FOXK2: variants seen among roughly 807,000 people sequenced by gnomAD.
The protein encoded by FOXK2 is forkhead box K2.
A neutral mutation model predicts 53.3 loss-of-function variants in FOXK2; 24 were observed. The ratio of observed to expected loss-of-function variants is 0.45; its 90% confidence interval spans 0.33 to 0.63. FOXK2 has a LOEUF of 0.63. Among genes scored for constraint, FOXK2 ranks in the 30% least tolerant of loss-of-function variants. The probability of loss-of-function intolerance (pLI) is 0.03; values close to 1 mark genes in which losing one functional copy is unlikely to be tolerated. For missense variants in FOXK2, 952 were observed against 910.5 expected (o/e 1.05, Z -0.59); for synonymous variants, 505 against 407.1 (o/e 1.24, Z -2.89).
chr17:82,560,446 G>A (rs1266175459), intron 1 of FOXK2, among the ~76,000 whole-genome samples: 6 of 152,168 alleles, frequency 3.9e-5, no homozygotes, highest in Non-Finnish European at 8.8e-5. Context: ...GTTATTTAAG[G>A]GAAGCGGTCT....
At chr17:82,557,502 C>T (rs2044743121) in intron 1 of FOXK2, among the ~76,000 whole-genome samples, 1 of 151,896 alleles carries the variant, frequency 6.6e-6, no homozygotes, top group South Asian at 2.1e-4. Context: ...TGCCACCATG[C>T]CTGGCTGATT....
intron 8 of FOXK2, among the ~76,000 whole-genome samples, chr17:82,595,143 A>G (rs1598240170): frequency 6.6e-6 from 1 of 152,340 alleles, no homozygotes; most frequent in Middle Eastern, 3.4e-3. Flanking sequence ...CGTGGGATGC[A>G]GCAGGGTTTG....
intron 8 of FOXK2, among the ~76,000 whole-genome samples, chr17:82,590,053 A>T (rs545644551): frequency 6.6e-6 from 1 of 152,170 alleles, no homozygotes; most frequent in East Asian, 1.9e-4. Flanking sequence ...CTCAAAAAAA[A>T]AAAAAAGTCT....
chr17:82,558,466 C>G (rs2044756318), intron 1 of FOXK2, among the ~76,000 whole-genome samples: 1 of 152,196 alleles, frequency 6.6e-6, no homozygotes, highest in South Asian at 2.1e-4. Flanking sequence ...AGTACGAGCT[C>G]ACAGATAATA....
chr17:82,560,001 CTTTTTTTT>C (rs10583366), intron 1 of FOXK2, among the ~76,000 whole-genome samples: 1 of 97,574 alleles, frequency 1.0e-5, no homozygotes, highest in Non-Finnish European at 2.0e-5. Flanking sequence ...TCTGGATAGA[CTTTTTTTT>C]TTTTTTTTTT....
At position 82,601,552 on chromosome 17, in the gene FOXK2, A is replaced by G; in HGVS notation, c.*53A>G. ...ATCAACTCTGTGGTGCCAAAAGGAG[A>G]CGCGGCCTCCCGCCAGCACTCGGGG... is the stretch of plus-strand genomic sequence containing the variant. On this transcript the variant is annotated 3_prime_UTR_variant, in exon 9 of 9. Coordinates refer to ENST00000335255, the MANE Select transcript of FOXK2 (RefSeq NM_004514.4). 1.3e-6 allele frequency: 2 copies of G among 1,517,382 alleles called. No individual in the cohort carries two copies. The highest frequency in any genetic ancestry group is 8.9e-7 in the Non-Finnish European group (1 of 1,129,056). 94.0% of individuals were successfully genotyped at this position (1,517,382 alleles called of 1,614,324 possible). A position where few individuals can be genotyped will look rare whatever the true frequency, so the allele number is the denominator to read the frequency against.
chr17:82,575,095 TC>T (rs1296597683), intron 4 of FOXK2, among the ~76,000 whole-genome samples: 1 of 152,242 alleles, frequency 6.6e-6, no homozygotes, highest in Admixed American at 6.5e-5. Flanking sequence ...CTATGCTTTT[TC>T]TTCTTTCTAG....
chr17:82,533,668 C>T (rs866604900), intron 1 of FOXK2, among the ~76,000 whole-genome samples: 4 of 152,122 alleles, frequency 2.6e-5, no homozygotes, highest in Non-Finnish European at 5.9e-5. Flanking sequence ...TATGACATCA[C>T]AATGGCTAGG....
chr17:82,577,513 C>G (rs2045003481), intron 4 of FOXK2: 1 of 250,940 alleles, frequency 4.0e-6, no homozygotes, highest in Non-Finnish European at 7.7e-6. Context: ...CCAGTCAGGG[C>G]AGCACCTGCG....
At chr17:82,525,710 ATATC>A (rs1305844040) in intron 1 of FOXK2, among the ~76,000 whole-genome samples, 1 of 152,224 alleles carries the variant, frequency 6.6e-6, no homozygotes, top group Non-Finnish European at 1.5e-5. Context: ...AGATCCCAGA[ATATC>A]TAATAGTCAA....
intron 1 of FOXK2, among the ~76,000 whole-genome samples, chr17:82,540,070 C>T (rs1178411658): frequency 2.0e-5 from 3 of 152,138 alleles, no homozygotes; most frequent in South Asian, 2.1e-4. Context: ...CACCTGAGGT[C>T]GGGAGTTCAA....
At chr17:82,530,689 T>C (rs909334219) in intron 1 of FOXK2, among the ~76,000 whole-genome samples, 2 of 152,012 alleles carry the variant, frequency 1.3e-5, no homozygotes, top group African/African-American at 2.4e-5. Context: ...TTTGTATTTT[T>C]AGTAGAGACG....
In FOXK2 at chr17:82,542,192, G is replaced by A. The variant is rs1008105868; in HGVS notation, c.420-21162G>A. Among the ~76,000 whole-genome samples, 26 of 120,456 alleles carry A rather than the reference G, an allele frequency of 2.2e-4. No homozygotes were observed. The East Asian group carries it at 2.7e-3, about 12-fold the overall frequency. 79.0% of individuals were successfully genotyped at this position (120,456 alleles called of 152,430 possible). ...TTTTTTTTTTTTTTGAGACAGTTTCGTTCTTGTCGCCCAGGCTGGAGTGCA... is the reference window on the plus strand; with the variant it reads ...TTTTTTTTTTTTTTGAGACAGTTTCATTCTTGTCGCCCAGGCTGGAGTGCA... On this transcript the variant is annotated intron_variant, in intron 1 of 8. Coordinates refer to ENST00000335255, the MANE Select transcript of FOXK2 (RefSeq NM_004514.4).
chr17:82,562,937 C>G (rs142507840), intron 1 of FOXK2, among the ~76,000 whole-genome samples: 6,611 of 152,028 alleles, frequency 0.043, 207 homozygotes, highest in South Asian at 0.092. Flanking sequence ...TCCTGAGTAT[C>G]TGGGACCACA....
rs1226987238 is a variant in FOXK2 at position 82,586,276 on chromosome 17, G to T, written c.1576+76G>T. On this transcript the variant is annotated intron_variant, in intron 7 of 8. Coordinates refer to ENST00000335255, the MANE Select transcript of FOXK2 (RefSeq NM_004514.4). ...GGGCCGGGGGGGGAAAGGAGGAGAGGGGAGACCACAGGGAGGTCAAAGGTG... is the reference window on the plus strand; with the variant it reads ...GGGCCGGGGGGGGAAAGGAGGAGAGTGGAGACCACAGGGAGGTCAAAGGTG... The T allele has an allele frequency of 3.5e-5, 17 of 485,030 alleles. 2 individuals are homozygous for T. Among genetic ancestry groups the T allele is most frequent in the South Asian group, 1.1e-4 (4 of 36,736 alleles). 30.0% of individuals were successfully genotyped at this position (485,030 alleles called of 1,614,324 possible).
chr17:82,581,578 C>G (rs1466764400), intron 4 of FOXK2, among the ~76,000 whole-genome samples: 1 of 151,736 alleles, frequency 6.6e-6, no homozygotes, highest in African/African-American at 2.4e-5. Flanking sequence ...CGGGTTCACA[C>G]CATTCTCCCG....
intron 4 of FOXK2, among the ~76,000 whole-genome samples, chr17:82,573,934 C>A (rs995307295): frequency 1.3e-5 from 2 of 152,234 alleles, no homozygotes; most frequent in African/African-American, 4.8e-5. Flanking sequence ...TTTGGGGGGG[C>A]CCAAGTCAGG....
At chr17:82,585,763 T>G in intron 6 of FOXK2, 141 bp from the exon 7 acceptor site, 2 of 795,582 alleles carry the variant, frequency 2.5e-6, no homozygotes, top group Non-Finnish European at 3.9e-6. Flanking sequence ...TATTAGTAAC[T>G]TTACTATTGT....
intron 1 of FOXK2, among the ~76,000 whole-genome samples, chr17:82,547,089 AAAGG>A (rs2044633696): frequency 1.3e-5 from 2 of 151,910 alleles, no homozygotes; most frequent in African/African-American, 2.4e-5. Context: ...AAAAAAAAAA[AAAGG>A]AAGGAGAAAG....
Sources: gnomAD v4.1 joint callset for allele counts (sites outside exome capture counted in the v4.1 genomes callset) on GRCh38, gnomAD v4.1.1 for gene constraint, MANE v1.5 for transcripts, NCBI Gene and HGNC (gene_info 2026-07-23, HGNC 2026-07-21) for gene names.